PDZRN4: variants seen among roughly 807,000 people sequenced by gnomAD.
PDZRN4 encodes the protein PDZ domain containing ring finger 4.
Under a neutral mutation model 99.0 loss-of-function variants are expected in PDZRN4, and 70 were observed. The observed-to-expected ratio is 0.71, with a 90% CI of 0.58 to 0.86. The LOEUF is 0.86. Among genes scored for constraint, PDZRN4 ranks in the 40% least tolerant of loss-of-function variants. The pLI is 0.00. For synonymous variants in PDZRN4, 551 were observed against 501.6 expected (o/e 1.10, Z -1.32); for missense variants, 1,474 against 1,331.2 (o/e 1.11, Z -1.67).
intron 3 of PDZRN4, among the ~76,000 whole-genome samples, chr12:41,350,587 G>T (rs1236510505): frequency 4.6e-5 from 7 of 152,030 alleles, no homozygotes; most frequent in Non-Finnish European, 8.8e-5. Context: ...TCTCAAGAGG[G>T]TTGTATTCTA....
chr12:41,262,159 C>A (rs187082852), intron 3 of PDZRN4, among the ~76,000 whole-genome samples: 1 of 152,210 alleles, frequency 6.6e-6, no homozygotes, highest in Non-Finnish European at 1.5e-5. Context: ...TTCTCCAAAA[C>A]GAGGACTTCT....
At chr12:41,553,449 C>T (rs2120802762) in intron 6 of PDZRN4, among the ~76,000 whole-genome samples, 1 of 152,126 alleles carries the variant, frequency 6.6e-6, no homozygotes, top group African/African-American at 2.4e-5. Context: ...GGCACAGTGG[C>T]TTATGCCTAT....
At chr12:41,397,681 T>A (rs557587104) in intron 3 of PDZRN4, among the ~76,000 whole-genome samples, 9 of 152,294 alleles carry the variant, frequency 5.9e-5, no homozygotes, top group African/African-American at 2.2e-4. Context: ...TTTTGTTTTC[T>A]GGGTTACTCT....
chr12:41,412,615 C>CATTGT (rs1430582485), intron 3 of PDZRN4: 1 of 152,070 alleles, frequency 6.6e-6, no homozygotes, highest in Non-Finnish European at 1.5e-5. Flanking sequence ...GAAAACAAGA[C>CATTGT]ATTGTATAAG....
At chr12:41,526,651 A>G (rs1174097915) in intron 5 of PDZRN4, among the ~76,000 whole-genome samples, 1 of 152,204 alleles carries the variant, frequency 6.6e-6, no homozygotes, top group African/African-American at 2.4e-5. Flanking sequence ...TAAGTTTCAC[A>G]CACCCTACTA....
chr12:41,477,794 C>T (rs1362348609), intron 3 of PDZRN4: 10 of 860,530 alleles, frequency 1.2e-5, no homozygotes, highest in Admixed American at 2.0e-5. Context: ...CCCACAGGCG[C>T]CTTTACCATG....
At chr12:41,555,853 G>T (rs962009234) in intron 7 of PDZRN4, 93 bp downstream of exon 7, 4 of 1,085,684 alleles carry the variant, frequency 3.7e-6, no homozygotes, top group Admixed American at 3.8e-5. Flanking sequence ...AAAAGAATTT[G>T]TCTTTGCTTT....
intron 5 of PDZRN4, among the ~76,000 whole-genome samples, chr12:41,550,187 G>A (rs1390584657): frequency 6.6e-6 from 1 of 152,062 alleles, no homozygotes; most frequent in Non-Finnish European, 1.5e-5. Context: ...TGGAGAAAAC[G>A]TTCAAAAAAG....
chr12:41,419,024 G>A (rs1353338319), intron 3 of PDZRN4, among the ~76,000 whole-genome samples: 1 of 152,178 alleles, frequency 6.6e-6, no homozygotes, highest in Non-Finnish European at 1.5e-5. Flanking sequence ...CAGAGATAAA[G>A]TAGGATTTTC....
At chr12:41,318,463 C>A (rs1423274136) in intron 3 of PDZRN4, among the ~76,000 whole-genome samples, 5 of 152,168 alleles carry the variant, frequency 3.3e-5, no homozygotes, top group Admixed American at 6.6e-5. Flanking sequence ...ACAATCCCAA[C>A]ACCCAGAGAC....
At chr12:41,512,959 C>G (rs1938333455) in intron 5 of PDZRN4, among the ~76,000 whole-genome samples, 1 of 152,076 alleles carries the variant, frequency 6.6e-6, no homozygotes, top group African/African-American at 2.4e-5. Flanking sequence ...GAAATAGCTT[C>G]TAGTATATAG....
chr12:41,279,119 G>T (rs969928379), intron 3 of PDZRN4, among the ~76,000 whole-genome samples: 3 of 152,192 alleles, frequency 2.0e-5, no homozygotes, highest in African/African-American at 2.4e-5. Context: ...CAGGGTTCGG[G>T]TATACAGTGT....
rs532613023 is a variant in PDZRN4 at position 41,292,532 on chromosome 12, C to A, written c.843+98344C>A. ...TTGATCCTTACATTTCAGGACCCCC[C>A]TTTGACTGGGTTTGTGCTTCCTTTT... On this transcript the variant is annotated intron_variant, in intron 3 of 9. Coordinates refer to ENST00000402685, the MANE Select transcript of PDZRN4 (RefSeq NM_001164595.2). 5.3e-5 allele frequency among the ~76,000 whole-genome samples: 8 copies of A among 152,264 alleles called. No individual in the cohort carries two copies. The East Asian group carries it at 1.5e-3, about 29-fold the overall frequency.
intron 3 of PDZRN4, among the ~76,000 whole-genome samples, chr12:41,469,871 A>G (rs530001269): frequency 6.6e-6 from 1 of 152,328 alleles, no homozygotes; most frequent in African/African-American, 2.4e-5. Flanking sequence ...CAGAGCTTGC[A>G]GTGAGCAGAG....
At position 41,188,493 on chromosome 12, in the gene PDZRN4, A is replaced by G. The variant is rs1321115414; in HGVS notation, c.38A>G (p.Asp13Gly). The G allele has an allele frequency of 1.1e-5, 17 of 1,591,598 alleles. No homozygotes were observed. The highest frequency in any genetic ancestry group is 1.4e-5 in the Non-Finnish European group (16 of 1,176,832). Residue 13 changes from aspartate (D) to glycine (G), a missense_variant, in exon 1 of 10, where the codon GAC becomes GGC. Transcript: ENST00000402685. ...CTGGAGCGCTTCGCAGAAGCCGTGG[A>G]CCCGGCTCTGGAGTGCAAACTGTGC... Reference protein sequence around the residue: ...FALERFAEAVDPALECKLCGQ... With the variant: ...FALERFAEAVGPALECKLCGQ...
rs79648131 is a variant in PDZRN4 at position 41,240,727 on chromosome 12, G to A, written c.843+46539G>A. Among the ~76,000 whole-genome samples, 241 of 152,310 alleles carry A rather than the reference G, an allele frequency of 1.6e-3. 1 individual carries two copies. The highest frequency in any genetic ancestry group is 5.6e-3 in the African/African-American group (233 of 41,564). On this transcript the variant is annotated intron_variant, in intron 3 of 9. Coordinates refer to ENST00000402685, the MANE Select transcript of PDZRN4 (RefSeq NM_001164595.2). ...ACTTCCTTGTAGACAGGGCCTTCGT[G>A]TTGTGTCCTCACATGGTGGACGGGG...
At chr12:41,416,628 GC>G (rs1952447632) in intron 3 of PDZRN4, among the ~76,000 whole-genome samples, 1 of 152,298 alleles carries the variant, frequency 6.6e-6, no homozygotes, top group East Asian at 1.9e-4. Flanking sequence ...ATGCACTCCA[GC>G]CTGGGCAACA....
intron 3 of PDZRN4, among the ~76,000 whole-genome samples, chr12:41,350,276 AGTACTTT>A (rs1951881053): frequency 6.6e-6 from 1 of 152,076 alleles, no homozygotes; most frequent in African/African-American, 2.4e-5. Context: ...ATTAGTTCCT[AGTACTTT>A]GGGCAAGTGA....
chr12:41,509,528 C>A, intron 4 of PDZRN4: 1 of 199,884 alleles, frequency 5.0e-6, no homozygotes, highest in South Asian at 1.3e-4. Context: ...ATCAATAAAG[C>A]ACCACGGACT....
Sources: allele counts gnomAD v4.1 joint callset (sites outside exome capture counted in the v4.1 genomes callset), GRCh38; gene constraint gnomAD v4.1.1; transcripts MANE v1.5; gene names NCBI Gene and HGNC (gene_info 2026-07-23, HGNC 2026-07-21).